FGFRL1: variants seen among roughly 807,000 people sequenced by gnomAD.
The protein encoded by FGFRL1 is fibroblast growth factor receptor like 1, also known as fibroblast growth factor receptor-like 1.
In FGFRL1, 24 loss-of-function variants were observed where a neutral mutation model predicts 36.8. That is an observed-to-expected ratio of 0.65 (90% CI 0.47 to 0.92). The LOEUF (loss-of-function observed/expected upper bound fraction) is 0.92, where lower values mean the gene tolerates loss of function less well. FGFRL1 is among the 40% of genes least tolerant of loss of function. FGFRL1 has a pLI of 0.00. For missense variants in FGFRL1, 785 were observed against 753.4 expected, an observed-to-expected ratio of 1.04 and a Z score of -0.49; for synonymous variants, 422 against 344.1, an observed-to-expected ratio of 1.23 and a Z score of -2.50.
At position 1,024,967 on chromosome 4, in the gene FGFRL1, G is replaced by A. The variant is rs201440347; in HGVS notation, c.1135G>A (p.Val379Met). 64 of 1,608,994 alleles carry A rather than the reference G, an allele frequency of 4.0e-5. No individual in the cohort carries two copies. Among genetic ancestry groups the A allele is most frequent in the Admixed American group, 5.0e-5 (3 of 59,970 alleles). ...SSSATSLPWP[V>M]VIGIPAGAVF... ...CTCGGCCACTAGCCTGCCGTGGCCC[G>A]TGGTCATCGGCATCCCAGCCGGCGC... Residue 379 changes from valine (V) to methionine (M), a missense_variant, in exon 7 of 7, where the codon GTG becomes ATG. Coordinates refer to ENST00000510644, the MANE Select transcript of FGFRL1 (RefSeq NM_001004356.3).
rs907181814 is a variant in FGFRL1 at position 1,025,881 on chromosome 4, A to G, written c.*534A>G. 7.0e-5 allele frequency: 12 copies of G among 172,054 alleles called. No homozygotes were observed. The highest frequency in any genetic ancestry group is 1.4e-4 in the Non-Finnish European group (11 of 81,360). 10.7% of individuals were successfully genotyped at this position (172,054 alleles called of 1,614,324 possible). On this transcript the variant is annotated 3_prime_UTR_variant, in exon 7 of 7. Coordinates refer to ENST00000510644, the MANE Select transcript of FGFRL1 (RefSeq NM_001004356.3). ...ATATTGCCTGGACACACACACACAC[A>G]CGTGTGCACAGATATGCTGTCTGGA... is the stretch of plus-strand genomic sequence containing the variant.
intron 2 of FGFRL1, among the ~76,000 whole-genome samples, chr4:1,017,329 G>T (rs907609801): frequency 1.4e-4 from 22 of 152,156 alleles, no homozygotes; most frequent in Non-Finnish European, 2.6e-4. Context: ...CGGGAACTTG[G>T]GTAGCCGGTC....
intron 2 of FGFRL1, among the ~76,000 whole-genome samples, chr4:1,020,264 A>G (rs1291166279): frequency 1.3e-5 from 2 of 152,206 alleles, no homozygotes; most frequent in African/African-American, 4.8e-5. Context: ...CCCAGACAGC[A>G]GTGGCTGCAG....
In FGFRL1 at chr4:1,023,592, T is replaced by G. The variant is rs1560564063; in HGVS notation, c.353-49T>G. The G allele has an allele frequency of 6.6e-7, 1 of 1,519,816 alleles. No individual in the cohort carries two copies. The highest frequency in any genetic ancestry group is 2.0e-5 in the Admixed American group (1 of 51,170). The allele number at this position is 1,519,816 out of a possible 1,614,324, so 94.1% of individuals were successfully genotyped here. A position where few individuals can be genotyped will look rare whatever the true frequency, so the allele number is the denominator to read the frequency against. ...GCCACGGGGGAGTTGGGGGAGCTCC[T>G]CAGGGCCCCCCTCACCTGCCCTCCC... On this transcript the variant is annotated intron_variant, in intron 3 of 6. Transcript: ENST00000510644. This position sits in a 1 kb window ranked among gnomAD's most constrained non-coding sequence, Gnocchi z 6.0.
chr4:1,018,835 C>A (rs1577562110), intron 2 of FGFRL1, among the ~76,000 whole-genome samples: 1 of 152,246 alleles, frequency 6.6e-6, no homozygotes, highest in East Asian at 1.9e-4. Flanking sequence ...TCCTCCTGGG[C>A]AGGCCCTCCT....
In FGFRL1 at chr4:1,025,305, C is replaced by T. The variant is rs749851372; in HGVS notation, c.1473C>T (p.His491=). Residue 491 remains histidine, a synonymous_variant, in exon 7 of 7, where the codon CAC becomes CAT. Coordinates refer to ENST00000510644, the MANE Select transcript of FGFRL1 (RefSeq NM_001004356.3). ...ACACACACTCTCACACACACTCACA[C>T]GTGGAGGGCAAGGTCCACCAGCACA... ...HTHTHSHTHS[H]VEGKVHQHIH... is the part of the protein sequence containing the mutation. 8.3e-6 allele frequency: 13 copies of T among 1,567,778 alleles called. No individual in the cohort carries two copies. In the African/African-American group the frequency reaches 1.1e-4, roughly 13 times the overall value.
chr4:1,012,332 C>G, intron 1 of FGFRL1, 138 bp from the exon 2 acceptor site: 2 of 892,956 alleles, frequency 2.2e-6, no homozygotes, highest in Non-Finnish European at 1.6e-6. Context: ...CTCCCCGCTG[C>G]GGCTTCCTCC....
rs547113709 is a variant in FGFRL1 at position 1,022,205 on chromosome 4, C to A, written c.82C>A (p.Pro28Thr). ...AFPPAAAARG[P>T]PKMADKVVPR... ...CTGTTCCTCGGTCCCACCCGCAGGC[C>A]CCCCAAAGATGGCGGACAAGGTGGT... Residue 28 changes from proline to threonine, a missense_variant and splice_region_variant, in exon 3 of 7, where the codon CCC (proline) becomes ACC (threonine). Pro to Thr is a conservative substitution (Grantham distance 38, BLOSUM62 -1). Coordinates refer to ENST00000510644, the MANE Select transcript of FGFRL1 (RefSeq NM_001004356.3). 5.9e-6 allele frequency: 9 copies of A among 1,525,628 alleles called. No individual in the cohort carries two copies. In the East Asian group the frequency reaches 1.9e-4, roughly 32 times the overall value. The allele number at this position is 1,525,628 out of a possible 1,614,324, so 94.5% of individuals were successfully genotyped here.
chr4:1,013,641 A>G (rs901653221), intron 2 of FGFRL1, among the ~76,000 whole-genome samples: 3 of 152,120 alleles, frequency 2.0e-5, no homozygotes, highest in African/African-American at 7.2e-5. Flanking sequence ...AGCCCCTACC[A>G]TGGCCAGCGG....
rs1038150094 is a variant in FGFRL1 at position 1,025,307 on chromosome 4, T to C, written c.1475T>C (p.Val492Ala). The C allele has an allele frequency of 3.8e-6, 6 of 1,564,454 alleles. No individual in the cohort carries two copies. The highest frequency in any genetic ancestry group is 5.2e-6 in the Non-Finnish European group (6 of 1,154,578). The change falls in exon 7 of 7, where the codon GTG becomes GCG. Residue 492 changes from valine to alanine, a missense_variant. Physicochemically the swap from Val to Ala is moderately conservative, Grantham distance 64. Coordinates refer to ENST00000510644, the MANE Select transcript of FGFRL1 (RefSeq NM_001004356.3). The part of the protein sequence containing the change: ...THTHSHTHSH[V>A]EGKVHQHIHY... ...ACACACTCTCACACACACTCACACG[T>C]GGAGGGCAAGGTCCACCAGCACATC...
chr4:1,015,669 G>T (rs1334886154), intron 2 of FGFRL1, among the ~76,000 whole-genome samples: 1 of 152,242 alleles, frequency 6.6e-6, no homozygotes, highest in Non-Finnish European at 1.5e-5. Context: ...AGGGGCTGAG[G>T]GGTGAACATT....
chr4:1,013,120 G>T (rs1715694756), intron 2 of FGFRL1, among the ~76,000 whole-genome samples: 1 of 152,226 alleles, frequency 6.6e-6, no homozygotes, highest in Non-Finnish European at 1.5e-5. Context: ...GTGTGGACAA[G>T]TCCCCAGAGC....
chr4:1,025,242 G>T lies in FGFRL1; in HGVS notation c.1410G>T (p.Leu470Phe). 6.2e-7 allele frequency: 1 copy of T among 1,608,594 alleles called. No individual in the cohort carries two copies. Among genetic ancestry groups the T allele is most frequent in the South Asian group, 1.1e-5 (1 of 90,430 alleles). The change falls in exon 7 of 7, where the codon TTG becomes TTT. Residue 470 changes from leucine (L) to phenylalanine (F), a missense_variant. Physicochemically the swap from Leu to Phe is conservative, Grantham distance 22. Transcript: ENST00000510644. The stretch of plus-strand genomic sequence containing the variant: ...CAGGCCCAGTTGCTGGCCCTAAGTT[G>T]TACCCCAAACTCTACACAGACATCC... ...LGPGPVAGPK[L>F]YPKLYTDIHT...
Position 1,024,681 on chromosome 4 carries a change from C to A in FGFRL1, c.1072+17C>A. The A allele has an allele frequency of 6.3e-7, 1 of 1,579,808 alleles. No homozygotes were observed. The highest frequency in any genetic ancestry group is 8.6e-7 in the Non-Finnish European group (1 of 1,161,276). On this transcript the variant is annotated intron_variant, in intron 6 of 6. Transcript: ENST00000510644. ...TGCTGCCAGGTGCGCGGCTGCCACGCCACGCCACACCATGCTGGTGCCCGG... is the reference window on the plus strand; with the variant it reads ...TGCTGCCAGGTGCGCGGCTGCCACGACACGCCACACCATGCTGGTGCCCGG...
chr4:1,015,140 G>A (rs1394742703), intron 2 of FGFRL1, among the ~76,000 whole-genome samples: 6 of 152,214 alleles, frequency 3.9e-5, no homozygotes, highest in Non-Finnish European at 5.9e-5. Flanking sequence ...ACTGGACCCC[G>A]GCTGCTGCAT....
At chr4:1,017,756 T>C (rs1715968511) in intron 2 of FGFRL1, among the ~76,000 whole-genome samples, 1 of 152,116 alleles carries the variant, frequency 6.6e-6, no homozygotes, top group Non-Finnish European at 1.5e-5. Context: ...CTGAGGGCTG[T>C]GTTCTGGGGA....
chr4:1,018,210 C>A (rs750420858), intron 2 of FGFRL1, among the ~76,000 whole-genome samples: 15 of 152,172 alleles, frequency 9.9e-5, no homozygotes, highest in Non-Finnish European at 2.2e-4. Context: ...CCTCCACCCT[C>A]CCTGGGCCCT....
chr4:1,019,829 C>G (rs763268370), intron 2 of FGFRL1, among the ~76,000 whole-genome samples: 1 of 152,212 alleles, frequency 6.6e-6, no homozygotes, highest in Non-Finnish European at 1.5e-5. Flanking sequence ...CACATGTTTT[C>G]TCAGAGAGGC....
chr4:1,013,676 T>G (rs1168533107), intron 2 of FGFRL1, among the ~76,000 whole-genome samples: 3 of 152,272 alleles, frequency 2.0e-5, no homozygotes, highest in African/African-American at 7.2e-5. Flanking sequence ...CTCTTTGATC[T>G]GTTTGGCCTC....
Sources: gnomAD v4.1 joint callset for allele counts (sites outside exome capture counted in the v4.1 genomes callset) on GRCh38, gnomAD v4.1.1 for gene constraint, Gnocchi (gnomAD v3.1) non-coding constraint, MANE v1.5 for transcripts, NCBI Gene and HGNC (gene_info 2026-07-23, HGNC 2026-07-21) for gene names.